Variants in MED13L observed in about 807,000 individuals in gnomAD.
MED13L encodes mediator of RNA polymerase II transcription subunit 13-like.
Under a neutral mutation model 220.9 loss-of-function variants are expected in MED13L, and 7 were observed. That is an observed-to-expected ratio of 0.03 (90% CI 0.02 to 0.06). The LOEUF is 0.06. Among genes scored for constraint, MED13L ranks in the 10% least tolerant of loss-of-function variants. The pLI, the probability that MED13L is intolerant of heterozygous loss-of-function variation, is 1.00. For missense variants in MED13L, 1,965 were observed against 2,760.5 expected (o/e 0.71, Z 6.46); for synonymous variants, 1,011 against 1,015.2 (o/e 1.00, Z 0.08).
chr12:116,221,653 C>A (rs982483929), intron 2 of MED13L, among the ~76,000 whole-genome samples: 4 of 152,014 alleles, frequency 2.6e-5, no homozygotes, highest in African/African-American at 9.6e-5. Flanking sequence ...ATTCTATAAA[C>A]AAAAAATCAA....
At chr12:116,161,909 T>G (rs560129398) in intron 2 of MED13L, among the ~76,000 whole-genome samples, 1 of 152,094 alleles carries the variant, frequency 6.6e-6, no homozygotes, top group Non-Finnish European at 1.5e-5. Flanking sequence ...TATCTTTTTT[T>G]AAAAAAAGAA....
intron 1 of MED13L, among the ~76,000 whole-genome samples, chr12:116,255,452 A>C (rs992398201): frequency 6.6e-6 from 1 of 152,240 alleles, no homozygotes; most frequent in Non-Finnish European, 1.5e-5. Context: ...ATAAGAAAAA[A>C]ACTTTCCTGC....
intron 4 of MED13L, among the ~76,000 whole-genome samples, chr12:116,061,618 C>T: frequency 6.6e-6 from 1 of 151,272 alleles, no homozygotes; most frequent in East Asian, 1.9e-4. Context: ...TGAAATCATC[C>T]CTTCATCAAT....
chr12:116,042,367 G>A (rs1881584677), intron 4 of MED13L, among the ~76,000 whole-genome samples: 1 of 152,214 alleles, frequency 6.6e-6, no homozygotes, highest in South Asian at 2.1e-4. Context: ...GGCACCTTCA[G>A]TCCTATGATT....
At chr12:116,071,175 T>C (rs144524455) in intron 4 of MED13L, among the ~76,000 whole-genome samples, 103 of 151,630 alleles carry the variant, frequency 6.8e-4, no homozygotes, top group African/African-American at 2.1e-3. Context: ...AACTGAAAAA[T>C]ACCAGGATAT....
At chr12:116,156,949 C>G (rs962911952) in intron 2 of MED13L, among the ~76,000 whole-genome samples, 2 of 152,096 alleles carry the variant, frequency 1.3e-5, no homozygotes, top group Non-Finnish European at 2.9e-5. Flanking sequence ...ATTCTTGACA[C>G]CATGATAAAA....
chr12:116,155,915 A>T (rs947372258), intron 2 of MED13L, among the ~76,000 whole-genome samples: 19 of 152,116 alleles, frequency 1.2e-4, no homozygotes, highest in Non-Finnish European at 2.4e-4. Flanking sequence ...GTATTTTCAT[A>T]TTAGAAATAG....
In MED13L at chr12:115,975,600, C is replaced by T. The variant is rs778332192; in HGVS notation, c.5503G>A (p.Asp1835Asn). 4.3e-6 allele frequency: 7 copies of T among 1,614,016 alleles called. No homozygotes were observed. The highest frequency in any genetic ancestry group is 2.2e-5 in the South Asian group (2 of 91,074). The change falls in exon 24 of 31, where the codon GAC becomes AAC. Residue 1835 changes from aspartate (D) to asparagine (N), a missense_variant. Transcript: ENST00000281928. ...CAGGAAGCCAAAAGCCAGCGCTGGT[C>T]GTGAGACAGACAATAGCCCACGAAG... ...VLFVGYCLSH[D>N]QRWLLASCTD... is the part of the protein sequence containing the mutation.
Position 116,277,505 on chromosome 12 carries a change from C to T in MED13L, c.-374G>A. ...CGAGGGGAGGCGAGCCCCGGAGCCG[C>T]CGCCGCCGCCTCGGAGCCGCCGCCG... On this transcript the variant is annotated 5_prime_UTR_variant, in exon 1 of 31. Transcript: ENST00000281928. Among the ~76,000 whole-genome samples the T allele has an allele frequency of 6.7e-6, 1 of 148,772 alleles. No individual in the cohort carries two copies. Among genetic ancestry groups the T allele is most frequent in the African/African-American group, 2.4e-5 (1 of 40,968 alleles).
At chr12:116,260,565 T>C (rs1260921010) in intron 1 of MED13L, among the ~76,000 whole-genome samples, 1 of 152,126 alleles carries the variant, frequency 6.6e-6, no homozygotes, top group Non-Finnish European at 1.5e-5. Flanking sequence ...AAAAAAAATA[T>C]TGTGCACTCA....
chr12:115,963,346 G>A (rs752451191), intron 30 of MED13L, 61 bp downstream of exon 30: 1 of 1,339,830 alleles, frequency 7.5e-7, no homozygotes, highest in Non-Finnish European at 1.1e-6. Flanking sequence ...ACCTTGGAAA[G>A]ACAACAGTAA....
intron 1 of MED13L, among the ~76,000 whole-genome samples, chr12:116,242,985 A>G (rs570911353): frequency 6.6e-6 from 1 of 152,204 alleles, no homozygotes; most frequent in African/African-American, 2.4e-5. Flanking sequence ...CTAATTTAAG[A>G]AAGTTCATAA....
chr12:116,076,910 C>G (rs1280632595), intron 4 of MED13L, among the ~76,000 whole-genome samples: 6 of 152,180 alleles, frequency 3.9e-5, no homozygotes, highest in African/African-American at 1.4e-4. Context: ...AATAATGTCT[C>G]TGCTACTCTC....
At chr12:116,167,656 T>C (rs1879378066) in intron 2 of MED13L, among the ~76,000 whole-genome samples, 1 of 152,208 alleles carries the variant, frequency 6.6e-6, no homozygotes, top group South Asian at 2.1e-4. Flanking sequence ...GACCTAACTA[T>C]AATTCTCCAA....
At chr12:116,170,608 G>GTT (rs869277948) in intron 2 of MED13L, among the ~76,000 whole-genome samples, 24 of 124,482 alleles carry the variant, frequency 1.9e-4, no homozygotes, top group African/African-American at 6.2e-4. Context: ...TTTTTTTTTT[G>GTT]TTTTTTTTTT....
intron 4 of MED13L, among the ~76,000 whole-genome samples, chr12:116,029,028 C>A (rs76340249): frequency 3.2e-4 from 49 of 152,120 alleles, no homozygotes; most frequent in African/African-American, 1.1e-3. Context: ...ACCATGCTAC[C>A]CTTTTCTTCA....
intron 4 of MED13L, among the ~76,000 whole-genome samples, chr12:116,064,793 C>T (rs1197482088): frequency 6.6e-6 from 1 of 152,204 alleles, no homozygotes; most frequent in Non-Finnish European, 1.5e-5. Context: ...AGACTCGTCA[C>T]ACCATTATGT....
At chr12:116,119,834 A>G (rs1279835698) in intron 2 of MED13L, among the ~76,000 whole-genome samples, 2 of 94,980 alleles carry the variant, frequency 2.1e-5, no homozygotes, top group African/African-American at 4.8e-5. Flanking sequence ...AAAAAAAAAA[A>G]AAAAATATAT....
At chr12:116,149,968 T>A (rs372436758) in intron 2 of MED13L, among the ~76,000 whole-genome samples, 23 of 152,332 alleles carry the variant, frequency 1.5e-4, no homozygotes, top group African/African-American at 5.5e-4. Context: ...CTCTGATAGT[T>A]ACATTTTTTT....
Sources: allele counts gnomAD v4.1 joint callset (sites outside exome capture counted in the v4.1 genomes callset), GRCh38; gene constraint gnomAD v4.1.1; transcripts MANE v1.5; gene names NCBI Gene and HGNC (gene_info 2026-07-23, HGNC 2026-07-21).